Variants in MKNK1 observed in about 807,000 individuals in gnomAD.
MKNK1 encodes MAP kinase-interacting serine/threonine-protein kinase 1.
A neutral mutation model predicts 49.3 loss-of-function variants in MKNK1; 30 were observed. The observed-to-expected ratio is 0.61, with a 90% CI of 0.46 to 0.83. MKNK1 has a LOEUF of 0.83. MKNK1 is among the 40% of genes least tolerant of loss of function. MKNK1 has a pLI of 0.00. For missense variants in MKNK1, 423 were observed against 524.7 expected (o/e 0.81, Z 1.89); for synonymous variants, 176 against 201.7 (o/e 0.87, Z 1.08).
chr1:46,582,933 G>C (rs762446955), intron 3 of MKNK1: 2 of 566,706 alleles, frequency 3.5e-6, no homozygotes, highest in South Asian at 3.1e-5. Context: ...TCTGAAAAAA[G>C]GAAGACCCCA....
At position 46,580,627 on chromosome 1, in the gene MKNK1, T is replaced by A; in HGVS notation, c.101A>T (p.Asp34Val). Residue 34 changes from aspartate to valine, a missense_variant and splice_region_variant, in exon 4 of 13, where the codon GAT becomes GTT. By Grantham distance (152) the Asp-to-Val change is radical. Coordinates refer to ENST00000371945, the MANE Select transcript of MKNK1 (RefSeq NM_001135553.4). ...CAATTCAGAGGTCAGCTTGTACATA[T>A]CTAGAGGTGAAATGGATGAGAGGAA... is the stretch of plus-strand genomic sequence containing the variant. ...ATDSLPGKFE[D>V]MYKLTSELLG... 6.2e-7 allele frequency: 1 copy of A among 1,607,040 alleles called. No homozygotes were observed. The highest frequency in any genetic ancestry group is 8.5e-7 in the Non-Finnish European group (1 of 1,173,600).
intron 2 of MKNK1, 192 bp downstream of exon 2, chr1:46,593,921 A>G (rs1673704451): frequency 2.1e-6 from 1 of 485,114 alleles, no homozygotes; most frequent in African/African-American, 1.9e-5. Context: ...TGACCCTTCC[A>G]TGTCATTCTG....
chr1:46,585,489 C>T (rs114275628), intron 2 of MKNK1: 91 of 221,372 alleles, frequency 4.1e-4, no homozygotes, highest in African/African-American at 1.9e-3. Flanking sequence ...CTCTCTCTTG[C>T]GCTGACCTTG....
rs949804084 is a variant in MKNK1 at position 46,588,324 on chromosome 1, C to T, written c.-2-4995G>A. On this transcript the variant is annotated intron_variant, in intron 2 of 12. Coordinates refer to ENST00000371945, the MANE Select transcript of MKNK1 (RefSeq NM_001135553.4). ...TCACGTTTTATTTTTAAATAAAGTA[C>T]ACCATAATCTTTCTCTAATACACAT... Among the ~76,000 whole-genome samples, 4 of 152,098 alleles carry T rather than the reference C, an allele frequency of 2.6e-5. No individual in the cohort carries two copies. In the South Asian group the frequency reaches 8.3e-4, roughly 31 times the overall value.
chr1:46,571,576 T>C (rs1044666007), intron 7 of MKNK1: 2 of 425,002 alleles, frequency 4.7e-6, no homozygotes, highest in African/African-American at 4.2e-5. Context: ...AAAATAGATT[T>C]TTCATTTACT....
intron 4 of MKNK1, among the ~76,000 whole-genome samples, chr1:46,578,576 AGATAT>A (rs1360541674): frequency 6.7e-6 from 1 of 149,890 alleles, no homozygotes; most frequent in Non-Finnish European, 1.5e-5. Flanking sequence ...GCATTTAGAC[AGATAT>A]ATCAATTTTT....
intron 10 of MKNK1, among the ~76,000 whole-genome samples, chr1:46,561,976 C>T (rs934950999): frequency 2.4e-4 from 36 of 152,172 alleles, no homozygotes; most frequent in African/African-American, 8.2e-4. Context: ...CCACTACCAC[C>T]GACCTACTAC....
At chr1:46,590,833 GA>G (rs1046560594) in intron 2 of MKNK1, among the ~76,000 whole-genome samples, 4 of 152,246 alleles carry the variant, frequency 2.6e-5, no homozygotes, top group African/African-American at 9.6e-5. Flanking sequence ...GCTATGATGT[GA>G]AAAGGTTGGG....
chr1:46,560,394 G>A (rs1667738619), intron 11 of MKNK1, 117 bp from the exon 12 acceptor site: 1 of 1,093,362 alleles, frequency 9.1e-7, no homozygotes, highest in Non-Finnish European at 1.4e-6. Context: ...ACAGGGAAAT[G>A]GCTATGCTTG....
chr1:46,579,263 C>T (rs1356312606), intron 4 of MKNK1, among the ~76,000 whole-genome samples: 1 of 152,202 alleles, frequency 6.6e-6, no homozygotes, highest in African/African-American at 2.4e-5. Flanking sequence ...ACATTTCCTT[C>T]AGGAGCCCAC....
At chr1:46,558,965 T>C (rs1263950998) in intron 12 of MKNK1, among the ~76,000 whole-genome samples, 165 bp from the exon 13 acceptor site, 1 of 152,212 alleles carries the variant, frequency 6.6e-6, no homozygotes, top group Non-Finnish European at 1.5e-5. Context: ...AGGTTTGGAA[T>C]CTTTCTTGAC....
rs2148536239 is a variant in MKNK1 at position 46,560,291 on chromosome 1, G to A, written c.970-14C>T. On this transcript the variant is annotated splice_polypyrimidine_tract_variant and intron_variant, in intron 11 of 12. Transcript: ENST00000371945. ...TTCTGGAGCTTGCTAGAATGGGAAG[G>A]ACAGATGTGTAGGTAAAGCACTGCT... 6.2e-7 allele frequency: 1 copy of A among 1,614,060 alleles called. No individual in the cohort carries two copies. The highest frequency in any genetic ancestry group is 1.7e-5 in the Admixed American group (1 of 60,012).
At chr1:46,599,418 C>A (rs1199964035) in intron 1 of MKNK1, among the ~76,000 whole-genome samples, 8 of 152,200 alleles carry the variant, frequency 5.3e-5, no homozygotes, top group Admixed American at 3.9e-4. Flanking sequence ...CCTGCAGCTT[C>A]TGTAAACTGG....
chr1:46,559,955 T>C (rs746494216), intron 12 of MKNK1: 38 of 549,130 alleles, frequency 6.9e-5, no homozygotes, highest in Non-Finnish European at 1.2e-4. Context: ...CTTTGGGCTG[T>C]AAGTTACAGT....
At chr1:46,564,950 T>C in intron 9 of MKNK1, 91 bp downstream of exon 9, 1 of 1,268,516 alleles carries the variant, frequency 7.9e-7, no homozygotes, top group Non-Finnish European at 1.1e-6. Context: ...GTCCACTTGG[T>C]TTTCCATCCT....
rs936407572 is a variant in MKNK1 at position 46,576,535 on chromosome 1, C to A, written c.278+40G>T. 4 of 1,538,584 alleles carry A rather than the reference C, an allele frequency of 2.6e-6. No individual in the cohort carries two copies. The South Asian group carries it at 4.5e-5, about 17-fold the overall frequency. ...AATAGCCTCCTCTTCTGTGGCCAAG[C>A]GTCCCCCCAGAGAAGCAGCGAGAAT... On this transcript the variant is annotated intron_variant, in intron 5 of 12. Transcript: ENST00000371945.
intron 4 of MKNK1, 39 bp downstream of exon 4, chr1:46,580,491 T>C (rs1671568595): frequency 2.9e-6 from 4 of 1,374,214 alleles, no homozygotes; most frequent in African/African-American, 2.8e-5. Flanking sequence ...GGAATGACTA[T>C]TTGCAAAGTA....
intron 7 of MKNK1, 95 bp downstream of exon 7, chr1:46,571,968 T>C: frequency 8.9e-7 from 1 of 1,124,368 alleles, no homozygotes. Flanking sequence ...AGCCACACCA[T>C]CTCCTGCACC....
At chr1:46,573,730 A>ATAC (rs1670539134) in intron 6 of MKNK1, 1 of 150,800 alleles carries the variant, frequency 6.6e-6, no homozygotes, top group African/African-American at 2.4e-5. Context: ...AATGCTTTAC[A>ATAC]TACTTTTTTT....
Sources: gnomAD v4.1 joint callset for allele counts (sites outside exome capture counted in the v4.1 genomes callset) on GRCh38, gnomAD v4.1.1 for gene constraint, MANE v1.5 for transcripts, NCBI Gene and HGNC (gene_info 2026-07-23, HGNC 2026-07-21) for gene names.